The following PHF12 variants were observed in gnomAD, a reference collection of about 807,000 sequenced individuals.
PHF12 encodes PHD factor 1.
PHF12 carries 6 observed loss-of-function variants against 99.8 expected under a neutral mutation model. The observed-to-expected ratio is 0.06, with a 90% confidence interval of 0.03 to 0.12. The LOEUF (loss-of-function observed/expected upper bound fraction) is 0.12, where lower values mean the gene tolerates loss of function less well. PHF12 is among the 10% of genes least tolerant of loss of function. The pLI, the probability that PHF12 is intolerant of heterozygous loss-of-function variation, is 1.00. For missense variants in PHF12, 954 were observed against 1,300.1 expected (o/e 0.73, Z 4.09); for synonymous variants, 480 against 514.9 (o/e 0.93, Z 0.92).
At chr17:28,927,686 T>G (rs2152669273) in intron 2 of PHF12, 1 of 152,684 alleles carries the variant, frequency 6.5e-6, no homozygotes, top group East Asian at 1.9e-4. Context: ...GGTGACAATG[T>G]TGCAACTTCC....
Position 28,951,331 on chromosome 17 carries a change from G to C in PHF12, c.-371C>G, listed in dbSNP as rs552266820. On this transcript the variant is annotated 5_prime_UTR_variant, in exon 1 of 15. Coordinates refer to ENST00000332830, the MANE Select transcript of PHF12 (RefSeq NM_001033561.2). ...CATCCCGGGGCTGGGGGTATCGGAG[G>C]GGGGGTGAGAGGTTACGTGAGGTTG... is the stretch of plus-strand genomic sequence containing the variant. The C allele has an allele frequency of 6.6e-4, 692 of 1,056,382 alleles. No homozygotes were observed. Among genetic ancestry groups the C allele is most frequent in the Admixed American group, 9.2e-4 (17 of 18,416 alleles). 65.4% of individuals were successfully genotyped at this position (1,056,382 alleles called of 1,614,324 possible).
intron 9 of PHF12, chr17:28,912,233 A>G (rs1033027756): frequency 6.9e-6 from 9 of 1,305,608 alleles, no homozygotes; most frequent in Admixed American, 7.4e-5. Flanking sequence ...TGTGGTTCCA[A>G]TCCTGCCACT....
At position 28,912,616 on chromosome 17, in the gene PHF12, G is replaced by A; in HGVS notation, c.1955C>T (p.Pro652Leu). 6.2e-7 allele frequency: 1 copy of A among 1,614,182 alleles called. No individual in the cohort carries two copies. The highest frequency in any genetic ancestry group is 1.3e-5 in the African/African-American group (1 of 75,042). The change falls in exon 9 of 15, where the codon CCT (proline) becomes CTT (leucine). Residue 652 changes from proline to leucine, a missense_variant. This residue lies in a region of PHF12 where 392 missense variants were observed against 423.1 expected (regional missense o/e 0.93). Coordinates refer to ENST00000332830, the MANE Select transcript of PHF12 (RefSeq NM_001033561.2). ...QRKTVQSQIG[P>L]PLTDSRPLGS... is the part of the protein sequence containing the mutation. ...CAGTGGCCTTGAATCTGTCAACGGA[G>A]GTCCTATCTGTGATTGGACAGTCTT...
At chr17:28,912,194 G>GTGTCAGGA in intron 9 of PHF12, 1 of 1,234,470 alleles carries the variant, frequency 8.1e-7, no homozygotes, top group African/African-American at 1.6e-5. Flanking sequence ...AGGCCTGGAA[G>GTGTCAGGA]GTATGGGATG....
At position 28,912,668 on chromosome 17, in the gene PHF12, T is replaced by C. The variant is rs986147977; in HGVS notation, c.1903A>G (p.Ile635Val). 3.1e-6 allele frequency: 5 copies of C among 1,614,246 alleles called. No homozygotes were observed. In the Admixed American group the frequency reaches 6.7e-5, roughly 22 times the overall value. ...PPSIPSSCAS[I>V]ENTSTLQRKT... The stretch of plus-strand genomic sequence containing the variant: ...CTTTGCAAAGTGCTGGTGTTCTCGA[T>C]GCTGGCACAAGAGCTGGGAATGGAA... The change falls in exon 9 of 15, where the codon ATC becomes GTC. Residue 635 changes from isoleucine (I) to valine (V), a missense_variant. Physicochemically the swap from Ile to Val is conservative, Grantham distance 29 (BLOSUM62 3). Around this residue, in one of 8 missense-constraint regions of PHF12, gnomAD observed 392 missense variants for 423.1 expected, o/e 0.93. Coordinates refer to ENST00000332830, the MANE Select transcript of PHF12 (RefSeq NM_001033561.2).
At chr17:28,933,217 A>G (rs1045730043) in intron 2 of PHF12, among the ~76,000 whole-genome samples, 6 of 152,250 alleles carry the variant, frequency 3.9e-5, no homozygotes, top group Non-Finnish European at 8.8e-5. Flanking sequence ...CAGTGAAAAC[A>G]CTATAATGAG....
chr17:28,917,335 G>T lies in PHF12; in HGVS notation c.1084C>A (p.His362Asn). 6.2e-7 allele frequency: 1 copy of T among 1,614,116 alleles called. No homozygotes were observed. Among genetic ancestry groups the T allele is most frequent in the Non-Finnish European group, 8.5e-7 (1 of 1,180,022 alleles). The change falls in exon 7 of 15, where the codon CAC becomes AAC. Residue 362 changes from histidine to asparagine, a missense_variant. Around this residue, in one of 8 missense-constraint regions of PHF12, gnomAD observed 392 missense variants for 423.1 expected, o/e 0.93. Coordinates refer to ENST00000332830, the MANE Select transcript of PHF12 (RefSeq NM_001033561.2). ...VDFLNRIHKK[H>N]PPNRRVLQSV... ...TGGAGCACACGCCGGTTAGGGGGGT[G>T]CTTCTTGTGGATTCGGTTCAGGAAG...
Position 28,950,010 on chromosome 17 carries a change from G to A in PHF12, c.248+55C>T, listed in dbSNP as rs1160427349. On this transcript the variant is annotated intron_variant, in intron 2 of 14. Coordinates refer to ENST00000332830, the MANE Select transcript of PHF12 (RefSeq NM_001033561.2). The surrounding 1 kb of genome is among the most constrained non-coding windows in gnomAD (Gnocchi z 5.7). ...GGCAGTCAGGGGCAGGCCGGGTGAA[G>A]GAATGCGCAGAGAAGGGTCCGCCAA... The A allele has an allele frequency of 1.1e-5, 16 of 1,484,984 alleles. No homozygotes were observed. The highest frequency in any genetic ancestry group is 2.6e-5 in the South Asian group (2 of 76,788). The allele number at this position is 1,484,984 out of a possible 1,614,324, so 92.0% of individuals were successfully genotyped here. A position where few individuals can be genotyped will look rare whatever the true frequency, so the allele number is the denominator to read the frequency against.
chr17:28,906,462 C>T lies in PHF12; in HGVS notation c.2736G>A (p.Met912Ile), dbSNP rs758028494. The T allele has an allele frequency of 3.1e-6, 5 of 1,613,416 alleles. No homozygotes were observed. Among genetic ancestry groups the T allele is most frequent in the Non-Finnish European group, 4.2e-6 (5 of 1,179,696 alleles). The change falls in exon 15 of 15, where the codon ATG (methionine) becomes ATA (isoleucine). Residue 912 changes from methionine to isoleucine, a missense_variant. Around this residue, in one of 8 missense-constraint regions of PHF12, gnomAD observed 136 missense variants for 172.3 expected, o/e 0.79. Coordinates refer to ENST00000332830, the MANE Select transcript of PHF12 (RefSeq NM_001033561.2). The surrounding 1 kb of genome is among the most constrained non-coding windows in gnomAD (Gnocchi z 4.2). ...GCTGCGGCCCCTGGGCCTGGGAACT[C>T]ATCATGGCTGCCTCCTCACTTGGCT... is the stretch of plus-strand genomic sequence containing the variant. ...DEEPSEEAAM[M>I]SSQAQGPQRR...
In PHF12 at chr17:28,924,697, T is replaced by C. The variant is rs1400953293; in HGVS notation, c.322-395A>G. The stretch of plus-strand genomic sequence containing the variant: ...CAGGCACGGTGGCTCACGTCTGTAA[T>C]CCCAGCACTTTGGGAGGCCGAGGCA... On this transcript the variant is annotated intron_variant, in intron 3 of 14. Transcript: ENST00000332830. 6 of 280,490 alleles carry C rather than the reference T, an allele frequency of 2.1e-5. No individual in the cohort carries two copies. The Admixed American group carries it at 3.0e-4, about 14-fold the overall frequency. The allele number at this position is 280,490 out of a possible 1,614,324, so 17.4% of individuals were successfully genotyped here. A position where few individuals can be genotyped will look rare whatever the true frequency, so the allele number is the denominator to read the frequency against.
rs749491797 is a variant in PHF12 at position 28,906,512 on chromosome 17, G to A, written c.2686C>T (p.Arg896Cys). 16 of 1,596,408 alleles carry A rather than the reference G, an allele frequency of 1.0e-5. No homozygotes were observed. The highest frequency in any genetic ancestry group is 3.3e-4 in the Middle Eastern group (2 of 5,980). The change falls in exon 15 of 15, where the codon CGC becomes TGC. Residue 896 changes from arginine (R) to cysteine (C), a missense_variant. Transcript: ENST00000332830. This position sits in a 1 kb window ranked among gnomAD's most constrained non-coding sequence, Gnocchi z 4.2. ...VAKVQSVIRR[R>C]RHQKQDEEPS... is the part of the protein sequence containing the mutation. ...TCTTCGTCCTGTTTCTGGTGCCGGC[G>A]GCGCCCTGGGAAAAAGGGGGATGGT...
Position 28,925,696 on chromosome 17 carries a change from C to T in PHF12, c.321+1295G>A, listed in dbSNP as rs1489554985. On this transcript the variant is annotated intron_variant, in intron 3 of 14. Coordinates refer to ENST00000332830, the MANE Select transcript of PHF12 (RefSeq NM_001033561.2). ...ATTGGTTCTGTCAATACCTTTGAGT[C>T]CTTGGGAAAGTTAATCTACATTTTT... The T allele has an allele frequency of 2.0e-5, 3 of 152,180 alleles. No homozygotes were observed. The East Asian group carries it at 5.8e-4, about 29-fold the overall frequency. 9.4% of individuals were successfully genotyped at this position (152,180 alleles called of 1,614,324 possible). A position where few individuals can be genotyped will look rare whatever the true frequency, so the allele number is the denominator to read the frequency against.
intron 2 of PHF12, among the ~76,000 whole-genome samples, chr17:28,947,545 T>A (rs1226976296): frequency 6.6e-6 from 1 of 151,854 alleles, no homozygotes; most frequent in Non-Finnish European, 1.5e-5. Flanking sequence ...ACCACTGCAC[T>A]CCAGCCTGGG....
At chr17:28,917,565 A>C in intron 6 of PHF12, 116 bp from the exon 7 acceptor site, 1 of 1,114,902 alleles carries the variant, frequency 9.0e-7, no homozygotes, top group Non-Finnish European at 1.3e-6. Context: ...GGTTCCCTCA[A>C]TTAGGGACCA....
intron 6 of PHF12, among the ~76,000 whole-genome samples, chr17:28,917,731 C>T (rs923848790): frequency 6.6e-6 from 1 of 152,188 alleles, no homozygotes; most frequent in African/African-American, 2.4e-5. Flanking sequence ...CTTCCAAATT[C>T]GGCCTCTGAC....
Position 28,950,755 on chromosome 17 carries a change from G to A in PHF12, c.66+140C>T, listed in dbSNP as rs931519297. The A allele has an allele frequency of 7.9e-7, 1 of 1,263,500 alleles. No homozygotes were observed. Among genetic ancestry groups the A allele is most frequent in the South Asian group, 1.6e-5 (1 of 61,948 alleles). The allele number at this position is 1,263,500 out of a possible 1,614,324, so 78.3% of individuals were successfully genotyped here. A position where few individuals can be genotyped will look rare whatever the true frequency, so the allele number is the denominator to read the frequency against. ...AGCTCAGCCCCCTAAATTGCAAAGA[G>A]GGGAGGGAGAGGCTAGGTGAGGAAG... On this transcript the variant is annotated intron_variant, in intron 1 of 14. Transcript: ENST00000332830. The surrounding 1 kb of genome is among the most constrained non-coding windows in gnomAD (Gnocchi z 5.7).
At chr17:28,933,295 AT>A (rs2040448563) in intron 2 of PHF12, among the ~76,000 whole-genome samples, 1 of 152,216 alleles carries the variant, frequency 6.6e-6, no homozygotes, top group African/African-American at 2.4e-5. Context: ...CATAGTGATA[AT>A]TTCATTGACA....
chr17:28,913,371 A>C, intron 8 of PHF12, 94 bp from the exon 9 acceptor site: 1 of 1,504,012 alleles, frequency 6.6e-7, no homozygotes, highest in Non-Finnish European at 8.8e-7. Context: ...GCTGACAAGC[A>C]GTTTCCGAGG....
At chr17:28,910,915 T>C in intron 10 of PHF12, 197 bp downstream of exon 10, 1 of 673,696 alleles carries the variant, frequency 1.5e-6, no homozygotes, top group South Asian at 2.0e-5. Context: ...TATGCACATG[T>C]AGAAGGCAGA....
Sources: allele counts gnomAD v4.1 joint callset (sites outside exome capture counted in the v4.1 genomes callset), GRCh38; gene constraint gnomAD v4.1.1; regional missense constraint gnomAD v4.1.1; non-coding constraint Gnocchi (gnomAD v3.1); transcripts MANE v1.5; gene names NCBI Gene and HGNC (gene_info 2026-07-23, HGNC 2026-07-21).